The following GNB4 variants were observed in gnomAD, a reference collection of about 807,000 sequenced individuals.
GNB4 encodes G protein subunit beta 4, also known as guanine nucleotide-binding protein subunit beta-4.
A neutral mutation model predicts 45.2 loss-of-function variants in GNB4; 28 were observed. The observed-to-expected ratio is 0.62, with a 90% CI of 0.46 to 0.85. The LOEUF (loss-of-function observed/expected upper bound fraction) is 0.85. Among genes scored for constraint, GNB4 ranks in the 40% least tolerant of loss-of-function variants. The pLI is 0.00. For missense variants in GNB4, 321 were observed against 425.4 expected (o/e 0.75, Z 2.16); for synonymous variants, 132 against 143.7 (o/e 0.92, Z 0.58).
At chr3:179,407,735 C>T (rs890145808) in intron 8 of GNB4, among the ~76,000 whole-genome samples, 3 of 151,524 alleles carry the variant, frequency 2.0e-5, no homozygotes, top group South Asian at 2.1e-4. Flanking sequence ...AACTGAGTAC[C>T]GATCAGCAGA....
the GNB4 span, among the ~76,000 whole-genome samples, chr3:179,489,786 T>C: frequency 6.6e-6 from 1 of 152,268 alleles, no homozygotes; most frequent in Non-Finnish European, 1.5e-5. Context: ...CATGATATGA[T>C]TTAATTCTCT....
chr3:179,494,480 C>G, the GNB4 span, among the ~76,000 whole-genome samples: 2 of 149,704 alleles, frequency 1.3e-5, no homozygotes, highest in Admixed American at 1.3e-4. Flanking sequence ...TGAGACCACC[C>G]TGGGCAACAT....
the GNB4 span, among the ~76,000 whole-genome samples, chr3:179,505,110 G>A: frequency 6.6e-6 from 1 of 152,182 alleles, no homozygotes; most frequent in East Asian, 1.9e-4. Context: ...CTAACCTGCA[G>A]TGAACAGCAA....
At chr3:179,413,065 G>A (rs1361351412) in intron 8 of GNB4, among the ~76,000 whole-genome samples, 1 of 151,822 alleles carries the variant, frequency 6.6e-6, no homozygotes, top group African/African-American at 2.4e-5. Flanking sequence ...TGTAATCCTA[G>A]CTACCAGGAG....
chr3:179,517,052 G>A, the GNB4 span, among the ~76,000 whole-genome samples: 1 of 152,142 alleles, frequency 6.6e-6, no homozygotes, highest in Non-Finnish European at 1.5e-5. Context: ...CAGCATGGTG[G>A]TGCAGGATAT....
chr3:179,404,299 G>A lies in GNB4; in HGVS notation c.916+891C>T, dbSNP rs575491207. Reference sequence around the variant, plus strand: ...AACTGGTTGGGAAGAACATGGCTACGGCAGGAGCAGCTTAAAACCCAACCC... The same window carrying A: ...AACTGGTTGGGAAGAACATGGCTACAGCAGGAGCAGCTTAAAACCCAACCC... On this transcript the variant is annotated intron_variant, in intron 9 of 9. Transcript: ENST00000232564. 1.1e-3 allele frequency among the ~76,000 whole-genome samples: 161 copies of A among 152,214 alleles called. 1 individual carries two copies. Among genetic ancestry groups the A allele is most frequent in the Middle Eastern group, 0.01 (3 of 294 alleles).
chr3:179,418,424 C>T (rs577522194), intron 4 of GNB4, among the ~76,000 whole-genome samples: 1 of 143,996 alleles, frequency 6.9e-6, no homozygotes, highest in African/African-American at 2.6e-5. Context: ...GAGCCGATAC[C>T]ACACCATTGT....
At chr3:179,464,300 A>G in the GNB4 span, 1 of 578,170 alleles carries the variant, frequency 1.7e-6, no homozygotes, top group East Asian at 3.1e-5. Flanking sequence ...CTCTACTAAA[A>G]ATTAAAAATA....
chr3:179,465,339 C>T, the GNB4 span: 65 of 1,141,284 alleles, frequency 5.7e-5, 1 homozygote, highest in African/African-American at 7.6e-5. Flanking sequence ...CGCGGTGGCT[C>T]ACACCTGTAA....
At chr3:179,454,014 G>A (rs896130943), upstream of GNB4, among the ~76,000 whole-genome samples, 1 of 152,118 alleles carries the variant, frequency 6.6e-6, no homozygotes, top group South Asian at 2.1e-4. Flanking sequence ...TGAAATCCAC[G>A]AAGAACAAAA....
chr3:179,404,295 C>G (rs1714397018), intron 9 of GNB4, among the ~76,000 whole-genome samples: 1 of 152,150 alleles, frequency 6.6e-6, no homozygotes, highest in Admixed American at 6.6e-5. Context: ...AAGAACATGG[C>G]TACGGCAGGA....
At chr3:179,490,058 G>T in the GNB4 span, among the ~76,000 whole-genome samples, 1 of 152,192 alleles carries the variant, frequency 6.6e-6, no homozygotes, top group Non-Finnish European at 1.5e-5. Flanking sequence ...TTCTGGGTAA[G>T]ATGGAGTAAG....
chr3:179,520,002 T>C, the GNB4 span, among the ~76,000 whole-genome samples: 1 of 152,172 alleles, frequency 6.6e-6, no homozygotes. Context: ...GATCTGCGCC[T>C]TATCAACCAA....
rs1714160239 is a variant in GNB4 at position 179,397,678 on chromosome 3, T to C, written c.*3535A>G. On this transcript the variant is annotated 3_prime_UTR_variant, in exon 10 of 10. Transcript: ENST00000232564. ...TATTCAGTCTACATCTCAAACAGCA[T>C]AGCTGCCAAAAATGAGGCCTGTCCA... The C allele has an allele frequency of 6.6e-6, 1 of 152,648 alleles. No individual in the cohort carries two copies. Among genetic ancestry groups the C allele is most frequent in the South Asian group, 2.1e-4 (1 of 4,832 alleles). 9.5% of individuals were successfully genotyped at this position (152,648 alleles called of 1,614,324 possible).
chr3:179,459,401 G>A, the GNB4 span, among the ~76,000 whole-genome samples: 16 of 151,978 alleles, frequency 1.1e-4, no homozygotes, highest in African/African-American at 2.7e-4. Context: ...CCTACCTTCC[G>A]GCCGGGCGCA....
chr3:179,421,050 TTTAA>T (rs1160015719), intron 2 of GNB4, 123 bp from the exon 3 acceptor site: 1 of 620,304 alleles, frequency 1.6e-6, no homozygotes, highest in Non-Finnish European at 2.9e-6. Flanking sequence ...TAAAAATTTT[TTTAA>T]TTGATATAAA....
chr3:179,402,703 A>G (rs1273622393), intron 9 of GNB4, among the ~76,000 whole-genome samples: 7 of 152,240 alleles, frequency 4.6e-5, no homozygotes, highest in East Asian at 1.9e-4. Flanking sequence ...TAGTAAGCCA[A>G]GTAACAAAAT....
chr3:179,483,782 A>G, the GNB4 span, among the ~76,000 whole-genome samples: 1 of 152,272 alleles, frequency 6.6e-6, no homozygotes, highest in African/African-American at 2.4e-5. Flanking sequence ...GCTTATTTCC[A>G]TTTTGATTTT....
At chr3:179,401,785 C>T (rs1310476647) in intron 9 of GNB4, among the ~76,000 whole-genome samples, 1 of 152,198 alleles carries the variant, frequency 6.6e-6, no homozygotes, top group African/African-American at 2.4e-5. Flanking sequence ...CACATCACTG[C>T]TTCCAAGAAT....
Sources: allele counts gnomAD v4.1 joint callset (sites outside exome capture counted in the v4.1 genomes callset), GRCh38; gene constraint gnomAD v4.1.1; transcripts MANE v1.5; gene names NCBI Gene and HGNC (gene_info 2026-07-23, HGNC 2026-07-21).